SGCZ: variants seen among roughly 807,000 people sequenced by gnomAD.
SGCZ encodes the protein sarcoglycan zeta, also known as zeta-sarcoglycan.
SGCZ carries 40 observed loss-of-function variants against 41.3 expected under a neutral mutation model. The observed-to-expected ratio is 0.97, with a 90% CI of 0.75 to 1.26. The LOEUF (loss-of-function observed/expected upper bound fraction) is 1.26, where lower values mean the gene tolerates loss of function less well. SGCZ is among the 50% of genes most tolerant of loss of function. The pLI, the probability that SGCZ is intolerant of heterozygous loss-of-function variation, is 0.00. For missense variants in SGCZ, 552 were observed against 369.8 expected, an observed-to-expected ratio of 1.49 and a Z score of -4.04; for synonymous variants, 206 against 137.5, an observed-to-expected ratio of 1.50 and a Z score of -3.49.
chr8:15,035,906 A>G (rs762388186), intron 1 of SGCZ, among the ~76,000 whole-genome samples: 1 of 152,090 alleles, frequency 6.6e-6, no homozygotes, highest in African/African-American at 2.4e-5. Context: ...TTAATATTGC[A>G]TTTTCGGTAA....
intron 1 of SGCZ, among the ~76,000 whole-genome samples, chr8:15,093,717 T>C (rs1806233832): frequency 6.6e-6 from 1 of 152,198 alleles, no homozygotes; most frequent in Admixed American, 6.5e-5. Flanking sequence ...TATTATATTA[T>C]CCTCAAGGTT....
At chr8:14,238,578 C>G (rs931190602) in intron 3 of SGCZ, among the ~76,000 whole-genome samples, 1 of 152,118 alleles carries the variant, frequency 6.6e-6, no homozygotes, top group African/African-American at 2.4e-5. Context: ...ACTGCCTTAA[C>G]AGCTCACATA....
intron 2 of SGCZ, among the ~76,000 whole-genome samples, chr8:14,413,561 C>A (rs1799417343): frequency 2.6e-5 from 4 of 152,074 alleles, no homozygotes; most frequent in South Asian, 4.1e-4. Flanking sequence ...TGTTCCATCT[C>A]TAGAGGTCAT....
chr8:14,416,309 C>A (rs116939006), intron 2 of SGCZ, among the ~76,000 whole-genome samples: 1,862 of 151,962 alleles, frequency 0.012, 24 homozygotes, highest in Middle Eastern at 0.075. Context: ...CAGCTGTTGT[C>A]CTGTAGAGAA....
At chr8:15,021,267 T>C (rs971051173) in intron 1 of SGCZ, among the ~76,000 whole-genome samples, 4 of 152,204 alleles carry the variant, frequency 2.6e-5, no homozygotes, top group Non-Finnish European at 5.9e-5. Context: ...TGCAAATTAA[T>C]TTGATTATAT....
At chr8:14,166,076 A>AAAC (rs1804200480) in intron 4 of SGCZ, among the ~76,000 whole-genome samples, 1 of 152,150 alleles carries the variant, frequency 6.6e-6, no homozygotes, top group African/African-American at 2.4e-5. Context: ...TAATATTCTG[A>AAAC]AACTACATAC....
chr8:14,851,377 AAAAAAAAAAAAAAG>A (rs1335674631), intron 1 of SGCZ, among the ~76,000 whole-genome samples: 1 of 140,986 alleles, frequency 7.1e-6, no homozygotes, highest in African/African-American at 2.6e-5. Flanking sequence ...TCAAAAAAAA[AAAAAAAAAAAAAAG>A]AAAAAAAGAA....
chr8:15,180,966 A>T (rs1800157939), intron 1 of SGCZ, among the ~76,000 whole-genome samples: 1 of 152,184 alleles, frequency 6.6e-6, no homozygotes, highest in Non-Finnish European at 1.5e-5. Flanking sequence ...AACAAAGGAT[A>T]AAAAATAGAT....
intron 1 of SGCZ, among the ~76,000 whole-genome samples, chr8:14,670,021 T>G (rs184863909): frequency 6.6e-6 from 1 of 152,316 alleles, no homozygotes. Context: ...AAGCAATAAC[T>G]AAGTTTATAT....
At chr8:14,707,055 T>G (rs909782892) in intron 1 of SGCZ, among the ~76,000 whole-genome samples, 1 of 151,804 alleles carries the variant, frequency 6.6e-6, no homozygotes, top group Non-Finnish European at 1.5e-5. Context: ...ATTATTATAC[T>G]TTAAGTTTTA....
intron 2 of SGCZ, among the ~76,000 whole-genome samples, chr8:14,329,878 C>T (rs1240313919): frequency 6.6e-6 from 1 of 151,782 alleles, no homozygotes; most frequent in Non-Finnish European, 1.5e-5. Flanking sequence ...CATCATCACT[C>T]AACTTATACT....
At chr8:14,305,726 G>A (rs1027879807) in intron 3 of SGCZ, among the ~76,000 whole-genome samples, 11 of 152,142 alleles carry the variant, frequency 7.2e-5, no homozygotes, top group African/African-American at 2.7e-4. Flanking sequence ...TTTGCAAAGT[G>A]ACTTTACTAT....
intron 1 of SGCZ, among the ~76,000 whole-genome samples, chr8:14,739,414 G>A (rs1191471095): frequency 3.9e-5 from 6 of 151,938 alleles, no homozygotes; most frequent in Admixed American, 3.9e-4. Flanking sequence ...AACTTCATAT[G>A]ATTTAAAAGC....
intron 1 of SGCZ, among the ~76,000 whole-genome samples, chr8:14,736,692 G>A (rs960196442): frequency 6.6e-6 from 1 of 151,966 alleles, no homozygotes; most frequent in African/African-American, 2.4e-5. Context: ...TGTCCTCATA[G>A]CTTAGCTCCC....
chr8:15,158,254 C>A (rs1799396510), intron 1 of SGCZ, among the ~76,000 whole-genome samples: 1 of 151,948 alleles, frequency 6.6e-6, no homozygotes, highest in Admixed American at 6.6e-5. Context: ...GTTTCTCTTT[C>A]TGTTTATCCT....
At chr8:14,336,820 T>C (rs1802521459) in intron 2 of SGCZ, among the ~76,000 whole-genome samples, 1 of 152,152 alleles carries the variant, frequency 6.6e-6, no homozygotes, top group African/African-American at 2.4e-5. Context: ...GTTTCTTCTG[T>C]TGTGCTCCTT....
At chr8:14,094,710 C>A (rs1354203456) in intron 7 of SGCZ, among the ~76,000 whole-genome samples, 1 of 152,078 alleles carries the variant, frequency 6.6e-6, no homozygotes, top group South Asian at 2.1e-4. Flanking sequence ...GGAATCTCCG[C>A]ACTGTCTTCC....
intron 1 of SGCZ, among the ~76,000 whole-genome samples, chr8:14,948,121 T>A (rs560465577): frequency 6.6e-4 from 101 of 152,304 alleles, no homozygotes; most frequent in African/African-American, 2.4e-3. Context: ...TTCTTTTCTT[T>A]AAGCAGAATG....
intron 1 of SGCZ, among the ~76,000 whole-genome samples, chr8:14,963,774 C>G (rs995922436): frequency 6.6e-6 from 1 of 152,160 alleles, no homozygotes; most frequent in African/African-American, 2.4e-5. Context: ...CCCTTTCAGC[C>G]GTATTCAAAT....
Sources: gnomAD v4.1 joint callset for allele counts (sites outside exome capture counted in the v4.1 genomes callset) on GRCh38, gnomAD v4.1.1 for gene constraint, MANE v1.5 for transcripts, NCBI Gene and HGNC (gene_info 2026-07-23, HGNC 2026-07-21) for gene names.